The following PMFBP1 variants were observed in gnomAD, a reference collection of about 807,000 sequenced individuals.
PMFBP1 encodes polyamine-modulated factor 1-binding protein 1.
PMFBP1 carries 131 observed loss-of-function variants against 137.8 expected under a neutral mutation model. The observed-to-expected ratio is 0.95, with a 90% CI of 0.82 to 1.10. The LOEUF (loss-of-function observed/expected upper bound fraction) is 1.10. Ranked by LOEUF, PMFBP1 falls within the 50% of genes least tolerant of loss-of-function variation. PMFBP1 has a pLI of 0.00. For missense variants in PMFBP1, 1,199 were observed against 1,175.4 expected (o/e 1.02, Z -0.29); for synonymous variants, 490 against 450.4 (o/e 1.09, Z -1.11).
chr16:72,244,144 C>T, the PMFBP1 span, among the ~76,000 whole-genome samples: 2 of 152,020 alleles, frequency 1.3e-5, no homozygotes, highest in Non-Finnish European at 2.9e-5. Flanking sequence ...AAGAGGAAGG[C>T]ATTTTGCAAA....
chr16:72,130,418 A>G, intron 11 of PMFBP1, 61 bp from the exon 12 acceptor site: 2 of 1,610,688 alleles, frequency 1.2e-6, no homozygotes, highest in Non-Finnish European at 1.7e-6. Flanking sequence ...CAGATTGTGG[A>G]GCTGACCCAA....
Position 72,136,578 on chromosome 16 carries a change from T to A in PMFBP1, c.1073A>T (p.His358Leu). 6.2e-7 allele frequency: 1 copy of A among 1,614,014 alleles called. No individual in the cohort carries two copies. The highest frequency in any genetic ancestry group is 8.5e-7 in the Non-Finnish European group (1 of 1,179,990). The part of the protein sequence containing the change: ...KDMMKLELDL[H>L]GLREETSAHI... ...GGCAGATGTCTCCTCCCGCAGTCCGTGCAGGTCCAGCTCCAGCTTCATCAT... is the reference window on the plus strand; with the variant it reads ...GGCAGATGTCTCCTCCCGCAGTCCGAGCAGGTCCAGCTCCAGCTTCATCAT... Residue 358 changes from histidine (H) to leucine (L), a missense_variant, in exon 9 of 21, where the codon CAC becomes CTC. His to Leu is a moderately conservative substitution (Grantham distance 99). Transcript: ENST00000237353.
rs759997147 is a variant in PMFBP1, at chr16:72,171,242, T to A, written c.-34A>T. On this transcript the variant is annotated 5_prime_UTR_variant, in exon 2 of 21. An upstream open reading frame in the 5' UTR loses its in-frame stop. Transcript: ENST00000237353. ...CAGCTCTCAATTCTCCTTTAACCTT[T>A]AGTATTTTCTGAGCTTTGTTATAAA... The A allele has an allele frequency of 6.2e-7, 1 of 1,612,282 alleles. No homozygotes were observed.
At chr16:72,236,120 TG>T in the PMFBP1 span, among the ~76,000 whole-genome samples, 1 of 152,166 alleles carries the variant, frequency 6.6e-6, no homozygotes, top group Non-Finnish European at 1.5e-5. Flanking sequence ...ATATTAATTT[TG>T]GGGTTTTTGT....
At chr16:72,195,749 A>G in the PMFBP1 span, among the ~76,000 whole-genome samples, 3 of 152,364 alleles carry the variant, frequency 2.0e-5, no homozygotes, top group South Asian at 6.2e-4. Context: ...GCTTGTACTT[A>G]AACCTCAGCA....
chr16:72,161,661 A>T (rs2043064241), intron 3 of PMFBP1, among the ~76,000 whole-genome samples: 1 of 152,178 alleles, frequency 6.6e-6, no homozygotes, highest in African/African-American at 2.4e-5. Context: ...CCTAAGGTTA[A>T]CTTCTTAAAT....
the PMFBP1 span, among the ~76,000 whole-genome samples, chr16:72,187,786 C>T: frequency 6.6e-6 from 1 of 152,194 alleles, no homozygotes; most frequent in Non-Finnish European, 1.5e-5. Context: ...GTTGCTAATG[C>T]TACCGGGTTA....
At chr16:72,117,855 T>A (rs2144202581), downstream of PMFBP1, among the ~76,000 whole-genome samples, 1 of 152,350 alleles carries the variant, frequency 6.6e-6, no homozygotes, top group Middle Eastern at 3.4e-3. Flanking sequence ...CTCCTGTCTT[T>A]AGAGAAACTG....
chr16:72,179,562 G>A (rs558148629), upstream of PMFBP1, among the ~76,000 whole-genome samples: 5 of 152,002 alleles, frequency 3.3e-5, no homozygotes, highest in Non-Finnish European at 7.4e-5. Context: ...ATGAAGTACT[G>A]TTTATTAAGA....
At chr16:72,197,452 C>T in the PMFBP1 span, among the ~76,000 whole-genome samples, 1 of 152,226 alleles carries the variant, frequency 6.6e-6, no homozygotes, top group African/African-American at 2.4e-5. Flanking sequence ...CAGGCATATA[C>T]ACACTTAAAT....
At chr16:72,225,616 G>T in the PMFBP1 span, among the ~76,000 whole-genome samples, 1 of 151,558 alleles carries the variant, frequency 6.6e-6, no homozygotes, top group East Asian at 1.9e-4. Context: ...AGGAGGCTGA[G>T]GTGGGAGGAT....
chr16:72,231,309 C>T, the PMFBP1 span, among the ~76,000 whole-genome samples: 1 of 152,118 alleles, frequency 6.6e-6, no homozygotes, highest in Admixed American at 6.6e-5. Context: ...ATGACACATA[C>T]ATTACTACAG....
chr16:72,234,799 C>T, the PMFBP1 span, among the ~76,000 whole-genome samples: 1 of 152,164 alleles, frequency 6.6e-6, no homozygotes, highest in East Asian at 1.9e-4. Context: ...ACTAATGATA[C>T]TGAGCATGTT....
the PMFBP1 span, among the ~76,000 whole-genome samples, chr16:72,249,802 T>C: frequency 8.8e-5 from 13 of 147,392 alleles, no homozygotes; most frequent in Non-Finnish European, 8.9e-5. Flanking sequence ...GCACCTGTAG[T>C]CCCAGTTGCT....
chr16:72,130,755 G>A, intron 10 of PMFBP1, 33 bp from the exon 11 acceptor site: 1 of 1,579,292 alleles, frequency 6.3e-7, no homozygotes, highest in Non-Finnish European at 8.6e-7. Flanking sequence ...ATGTGAGAAG[G>A]GAGGGTGTAT....
the PMFBP1 span, among the ~76,000 whole-genome samples, chr16:72,185,103 A>G: frequency 2.0e-5 from 3 of 151,438 alleles, no homozygotes; most frequent in East Asian, 3.9e-4. Flanking sequence ...GGCTCACTGC[A>G]ACCTCTGCCT....
chr16:72,248,690 GTTC>G, the PMFBP1 span, among the ~76,000 whole-genome samples: 1 of 152,170 alleles, frequency 6.6e-6, no homozygotes, highest in Admixed American at 6.5e-5. Flanking sequence ...ATTTTAGAGT[GTTC>G]TTCTCCATAA....
intron 6 of PMFBP1, among the ~76,000 whole-genome samples, chr16:72,139,975 A>G (rs1343840100): frequency 2.6e-5 from 4 of 152,226 alleles, no homozygotes; most frequent in Non-Finnish European, 5.9e-5. Flanking sequence ...CTTATATATT[A>G]GTATTATCAT....
chr16:72,137,831 G>A (rs1597469380), intron 7 of PMFBP1, among the ~76,000 whole-genome samples: 1 of 152,148 alleles, frequency 6.6e-6, no homozygotes, highest in African/African-American at 2.4e-5. Flanking sequence ...TGATTTCAGA[G>A]CTGCTAGGAG....
Sources: gnomAD v4.1 joint callset for allele counts (sites outside exome capture counted in the v4.1 genomes callset) on GRCh38, gnomAD v4.1.1 for gene constraint, MANE v1.5 for transcripts, NCBI Gene and HGNC (gene_info 2026-07-23, HGNC 2026-07-21) for gene names.